The following FOXO3 variants were observed in gnomAD, a reference collection of about 807,000 sequenced individuals.
FOXO3 encodes the protein forkhead box protein O3.
FOXO3 carries 4 observed loss-of-function variants against 41.9 expected under a neutral mutation model. The ratio of observed to expected loss-of-function variants is 0.10; its 90% CI spans 0.05 to 0.22. FOXO3 has a LOEUF of 0.22. Ranked by LOEUF, FOXO3 falls within the 10% of genes least tolerant of loss-of-function variation. FOXO3 has a pLI of 1.00. For missense variants in FOXO3, 534 were observed against 906.8 expected (o/e 0.59, Z 5.28); for synonymous variants, 318 against 389.3 (o/e 0.82, Z 2.16).
At chr6:108,666,787 T>TCTC (rs561773558) in intron 2 of FOXO3, among the ~76,000 whole-genome samples, 8 of 152,028 alleles carry the variant, frequency 5.3e-5, no homozygotes, top group African/African-American at 1.9e-4. Context: ...CCCTAAAAAC[T>TCTC]CTCCTCCTCA....
intron 1 of FOXO3, among the ~76,000 whole-genome samples, chr6:108,585,143 G>A (rs540104750): frequency 3.6e-5 from 5 of 139,044 alleles, no homozygotes; most frequent in Non-Finnish European, 6.1e-5. Context: ...CTGGGTTCAC[G>A]CCATTCTCCT....
At chr6:108,615,495 G>A (rs553526654) in intron 1 of FOXO3, among the ~76,000 whole-genome samples, 86 of 151,428 alleles carry the variant, frequency 5.7e-4, no homozygotes, top group African/African-American at 1.9e-4. Context: ...TTCTTCTGCC[G>A]CTTTTAAGTA....
chr6:108,648,858 G>A (rs957686835), intron 1 of FOXO3, among the ~76,000 whole-genome samples: 1 of 151,736 alleles, frequency 6.6e-6, no homozygotes, highest in Non-Finnish European at 1.5e-5. Context: ...TTAGTGAAGT[G>A]TAGGGGCGCA....
intron 1 of FOXO3, among the ~76,000 whole-genome samples, chr6:108,624,258 G>A (rs950596081): frequency 9.9e-5 from 15 of 151,916 alleles, no homozygotes; most frequent in Non-Finnish European, 2.2e-4. Context: ...TGGAATTTTA[G>A]GGTGTATCTC....
At chr6:108,606,958 G>A (rs1393658162) in intron 1 of FOXO3, among the ~76,000 whole-genome samples, 1 of 152,068 alleles carries the variant, frequency 6.6e-6, no homozygotes, top group Non-Finnish European at 1.5e-5. Flanking sequence ...TTTTGTTTTT[G>A]TTTTGTTATG....
chr6:108,634,570 C>G (rs1396135981), intron 1 of FOXO3, among the ~76,000 whole-genome samples: 1 of 152,062 alleles, frequency 6.6e-6, no homozygotes, highest in East Asian at 1.9e-4. Context: ...CCTTCCTTCC[C>G]CCTTCTGCCT....
At chr6:108,583,672 C>T (rs1410607693) in intron 1 of FOXO3, among the ~76,000 whole-genome samples, 2 of 152,216 alleles carry the variant, frequency 1.3e-5, no homozygotes, top group African/African-American at 4.8e-5. Flanking sequence ...AGCTCTTCTT[C>T]AGGCACTGGA....
chr6:108,563,382 A>G (rs958734989), intron 1 of FOXO3, among the ~76,000 whole-genome samples: 10 of 152,266 alleles, frequency 6.6e-5, no homozygotes, highest in Non-Finnish European at 1.3e-4. Context: ...TTGTAAAAGA[A>G]TGCCAGGTGT....
chr6:108,618,052 T>TC, intron 1 of FOXO3: 1 of 700,454 alleles, frequency 1.4e-6, no homozygotes, highest in South Asian at 1.4e-5. Context: ...ATCTTCATTC[T>TC]CCATTTCCAA....
intron 1 of FOXO3, among the ~76,000 whole-genome samples, chr6:108,660,986 G>C (rs1326559790): frequency 6.6e-6 from 1 of 152,132 alleles, no homozygotes; most frequent in Non-Finnish European, 1.5e-5. Context: ...CGTGAACCTG[G>C]GAGGCAGAGC....
In FOXO3 at chr6:108,664,877, G is replaced by A. The variant is rs1003016247; in HGVS notation, c.*22G>A. ...CTGAAGGATCACTGAGGAAGGGGAA[G>A]TGGGCAAAGCAGGTCAGTGCCGAAT... On this transcript the variant is annotated 3_prime_UTR_variant, in exon 2 of 3. Transcript: ENST00000406360. The A allele has an allele frequency of 1.3e-6, 2 of 1,597,360 alleles. No homozygotes were observed. Among genetic ancestry groups the A allele is most frequent in the Non-Finnish European group, 8.5e-7 (1 of 1,171,326 alleles).
At chr6:108,641,735 A>G (rs1268472927) in intron 1 of FOXO3, among the ~76,000 whole-genome samples, 1 of 152,154 alleles carries the variant, frequency 6.6e-6, no homozygotes, top group Non-Finnish European at 1.5e-5. Context: ...AAATATAAGT[A>G]TATGAGAGAC....
intron 1 of FOXO3, among the ~76,000 whole-genome samples, chr6:108,613,189 A>G (rs1394574914): frequency 6.6e-6 from 1 of 152,222 alleles, no homozygotes; most frequent in Non-Finnish European, 1.5e-5. Flanking sequence ...TTCATGAGGA[A>G]TATTGATCTA....
chr6:108,610,820 T>C (rs562937178), intron 1 of FOXO3, among the ~76,000 whole-genome samples: 3 of 152,222 alleles, frequency 2.0e-5, no homozygotes, highest in African/African-American at 2.4e-5. Context: ...GTTTTGAAAC[T>C]GGTGATTTAT....
chr6:108,593,943 G>A (rs1237112545), intron 1 of FOXO3, among the ~76,000 whole-genome samples: 2 of 150,912 alleles, frequency 1.3e-5, no homozygotes, highest in Admixed American at 6.6e-5. Flanking sequence ...GGTCTTGAAC[G>A]CCTGACCTCA....
rs1770824725 is a variant in FOXO3, at chr6:108,680,932, A to G, written c.*1140A>G. 6.6e-6 allele frequency: 1 copy of G among 152,646 alleles called. No individual in the cohort carries two copies. Among genetic ancestry groups the G allele is most frequent in the Non-Finnish European group, 1.5e-5 (1 of 68,044 alleles). 9.5% of individuals were successfully genotyped at this position (152,646 alleles called of 1,614,324 possible). ...TGATTATTTTCAGCCTTGCTATATA[A>G]TCTGATCTGCTAGAAGTGTATGAGT... On this transcript the variant is annotated 3_prime_UTR_variant, in exon 3 of 3. Transcript: ENST00000406360.
chr6:108,652,336 A>G lies in FOXO3; in HGVS notation c.622-11119A>G, dbSNP rs138266355. Among the ~76,000 whole-genome samples, 7 of 152,362 alleles carry G rather than the reference A, an allele frequency of 4.6e-5. No homozygotes were observed. The East Asian group carries it at 1.2e-3, about 25-fold the overall frequency. ...ATTTCTAAAAAATTAGTGTTAGCAG[A>G]TGGGCAGATGTGGCTCCAACAAGGC... On this transcript the variant is annotated intron_variant, in intron 1 of 2. Coordinates refer to ENST00000406360, the MANE Select transcript of FOXO3 (RefSeq NM_001455.4).
In FOXO3 at chr6:108,561,552, C is replaced by T. The variant is rs949166793; in HGVS notation, c.344C>T (p.Ala115Val). Residue 115 changes from alanine to valine, a missense_variant, in exon 1 of 3, where the codon GCG (alanine) becomes GTG (valine). This residue lies in a region of FOXO3 where 139 missense variants were observed against 163.7 expected (regional missense o/e 0.85). Transcript: ENST00000406360. ...GACCCCGGGTCTGGGCCAGCCACCG[C>T]GGCGGGCGGGCTGAGCGGGGGTACA... The part of the protein sequence containing the change: ...GQDPGSGPAT[A>V]AGGLSGGTQA... 2.1e-6 allele frequency: 3 copies of T among 1,434,684 alleles called. No homozygotes were observed. Among genetic ancestry groups the T allele is most frequent in the Non-Finnish European group, 2.7e-6 (3 of 1,102,564 alleles). The allele number at this position is 1,434,684 out of a possible 1,614,324, so 88.9% of individuals were successfully genotyped here. A position where few individuals can be genotyped will look rare whatever the true frequency, so the allele number is the denominator to read the frequency against.
chr6:108,569,987 G>GTTTTTTTTTTTT lies in FOXO3; in HGVS notation c.621+8177_621+8188dup, dbSNP rs71015551. Among the ~76,000 whole-genome samples, 239 of 73,252 alleles carry GTTTTTTTTTTTT rather than the reference G, an allele frequency of 3.3e-3. 26 individuals are homozygous for GTTTTTTTTTTTT. Among genetic ancestry groups the GTTTTTTTTTTTT allele is most frequent in the Non-Finnish European group, 4.8e-3 (200 of 41,556 alleles). The allele number at this position is 73,252 out of a possible 152,430, so 48.1% of individuals were successfully genotyped here. A position where few individuals can be genotyped will look rare whatever the true frequency, so the allele number is the denominator to read the frequency against. On this transcript the variant is annotated intron_variant, in intron 1 of 2. Coordinates refer to ENST00000406360, the MANE Select transcript of FOXO3 (RefSeq NM_001455.4). Reference sequence around the variant, plus strand: ...TCCACATCATGTTTTCCCTTGCGTGGTTTTTTTTTTTTTTTTTTTTTTTTT... The same window carrying GTTTTTTTTTTTT: ...TCCACATCATGTTTTCCCTTGCGTGGTTTTTTTTTTTTTTTTTTTTTTTTTTTTTTTTTTTTT...
Sources: allele counts gnomAD v4.1 joint callset (sites outside exome capture counted in the v4.1 genomes callset), GRCh38; gene constraint gnomAD v4.1.1; regional missense constraint gnomAD v4.1.1; transcripts MANE v1.5; gene names NCBI Gene and HGNC (gene_info 2026-07-23, HGNC 2026-07-21).